DARS1: variants seen among roughly 807,000 people sequenced by gnomAD.
DARS1 encodes aspartyl-tRNA synthetase 1, also known as aspartate--tRNA ligase, cytoplasmic.
A neutral mutation model predicts 68.8 loss-of-function variants in DARS1; 51 were observed. The ratio of observed to expected loss-of-function variants is 0.74; its 90% CI spans 0.59 to 0.94. DARS1 has a LOEUF of 0.94. Among genes scored for constraint, DARS1 ranks in the 40% least tolerant of loss-of-function variants. The pLI, the probability that DARS1 is intolerant of heterozygous loss-of-function variation, is 0.00. For missense variants in DARS1, 607 were observed against 597.3 expected (o/e 1.02, Z -0.17); for synonymous variants, 203 against 190.4 (o/e 1.07, Z -0.55).
In DARS1 at chr2:135,985,356, C is replaced by G. The variant is rs746538815; in HGVS notation, c.66+47G>C. 15 of 1,598,914 alleles carry G rather than the reference C, an allele frequency of 9.4e-6. No homozygotes were observed. The African/African-American group carries it at 1.5e-4, about 16-fold the overall frequency. ...CCCTCCTCCCTCCCTCGGCGCAGCC[C>G]GGCCCAGGGGTCTGTCCTCCCAGGC... On this transcript the variant is annotated intron_variant, in intron 1 of 15. Transcript: ENST00000264161.
At chr2:135,940,885 A>G (rs554771044) in intron 5 of DARS1, among the ~76,000 whole-genome samples, 5 of 152,344 alleles carry the variant, frequency 3.3e-5, no homozygotes, top group Non-Finnish European at 2.9e-5. Context: ...CAGAGAGCCA[A>G]ATCATGAGTG....
In DARS1 at chr2:135,937,523, TTA is replaced by T. The variant is rs371988821; in HGVS notation, c.424-3535_424-3534del. Among the ~76,000 whole-genome samples, 511 of 152,284 alleles carry T rather than the reference TTA, an allele frequency of 3.4e-3. 3 individuals are homozygous for T. Among genetic ancestry groups the T allele is most frequent in the South Asian group, 0.028 (133 of 4,810 alleles). On this transcript the variant is annotated intron_variant, in intron 5 of 15. Coordinates refer to ENST00000264161, the MANE Select transcript of DARS1 (RefSeq NM_001349.4). ...AAAGTAATTATTATAAGACTAAGAA[TTA>T]GTTAATTAATCATTCTTTAAAAGTA...
intron 12 of DARS1, among the ~76,000 whole-genome samples, 179 bp from the exon 13 acceptor site, chr2:135,912,745 G>A (rs776981781): frequency 2.0e-5 from 3 of 151,632 alleles, no homozygotes; most frequent in Non-Finnish European, 4.4e-5. Flanking sequence ...TTGCCATGGT[G>A]TCATAAATTC....
chr2:135,963,807 G>A (rs1207741604), intron 3 of DARS1, among the ~76,000 whole-genome samples: 1 of 151,824 alleles, frequency 6.6e-6, no homozygotes, highest in Non-Finnish European at 1.5e-5. Context: ...AGCCTCCTGA[G>A]TAGCTGGGAC....
At chr2:135,955,879 G>C (rs974655463) in intron 4 of DARS1, among the ~76,000 whole-genome samples, 4 of 151,728 alleles carry the variant, frequency 2.6e-5, no homozygotes, top group Non-Finnish European at 5.9e-5. Flanking sequence ...GGCTGGTTTT[G>C]AACTTCTGGG....
chr2:135,961,991 C>T (rs1682113009), intron 3 of DARS1, among the ~76,000 whole-genome samples: 1 of 152,198 alleles, frequency 6.6e-6, no homozygotes, highest in African/African-American at 2.4e-5. Flanking sequence ...GAGTTTCTTC[C>T]TACCAAAGTA....
At chr2:135,941,649 A>AT (rs561662332) in intron 5 of DARS1, among the ~76,000 whole-genome samples, 3,374 of 150,628 alleles carry the variant, frequency 0.022, 89 homozygotes, top group African/African-American at 0.066. Context: ...AAAAGCCAAA[A>AT]TTGACAAATG....
chr2:135,932,938 A>G (rs1681384899), intron 6 of DARS1, 96 bp from the exon 7 acceptor site: 1 of 671,118 alleles, frequency 1.5e-6, no homozygotes, highest in Non-Finnish European at 2.5e-6. Flanking sequence ...CTTTTAATTG[A>G]GTAGGATGTG....
chr2:135,912,505 A>G lies in DARS1; in HGVS notation c.1211T>C (p.Met404Thr). The G allele has an allele frequency of 9.0e-7, 1 of 1,110,284 alleles. No individual in the cohort carries two copies. Among genetic ancestry groups the G allele is most frequent in the Non-Finnish European group, 1.4e-6 (1 of 737,172 alleles). The allele number at this position is 1,110,284 out of a possible 1,614,324, so 68.8% of individuals were successfully genotyped here. A position where few individuals can be genotyped will look rare whatever the true frequency, so the allele number is the denominator to read the frequency against. Residue 404 changes from methionine (M) to threonine (T), a missense_variant, in exon 13 of 16, where the codon ATG becomes ACG. By Grantham distance (81) the Met-to-Thr change is moderately conservative. Coordinates refer to ENST00000264161, the MANE Select transcript of DARS1 (RefSeq NM_001349.4). Reference protein sequence around the residue: ...YPLAVRPFYTMPDPRNPKQSN... With the variant: ...YPLAVRPFYTTPDPRNPKQSN... ...ACTTACGGGATTTCTTGGGTCAGGC[A>G]TGGTATAGAAAGGTCTTACAGCCAA... is the stretch of plus-strand genomic sequence containing the variant.
chr2:135,974,102 G>C (rs1451477366), intron 3 of DARS1, among the ~76,000 whole-genome samples: 1 of 152,082 alleles, frequency 6.6e-6, no homozygotes, highest in Non-Finnish European at 1.5e-5. Flanking sequence ...TTTTTAAAAG[G>C]CATAAATGTG....
At chr2:135,982,072 A>T (rs1682644569) in intron 2 of DARS1, among the ~76,000 whole-genome samples, 2 of 152,314 alleles carry the variant, frequency 1.3e-5, no homozygotes, top group Non-Finnish European at 2.9e-5. Context: ...AGCCCTCTAA[A>T]CTGGAAGCAG....
At chr2:135,928,975 AC>A (rs1681284844) in intron 7 of DARS1, among the ~76,000 whole-genome samples, 1 of 152,186 alleles carries the variant, frequency 6.6e-6, no homozygotes, top group African/African-American at 2.4e-5. Context: ...CTATTATATT[AC>A]ATATAATAAC....
chr2:135,935,410 C>T (rs895104285), intron 5 of DARS1, among the ~76,000 whole-genome samples: 4 of 150,264 alleles, frequency 2.7e-5, no homozygotes, highest in Non-Finnish European at 5.9e-5. Context: ...TCTTGGCTAA[C>T]AGAGTGAAAC....
At chr2:135,920,722 G>A (rs978059006) in intron 9 of DARS1, 122 bp from the exon 10 acceptor site, 2 of 1,265,472 alleles carry the variant, frequency 1.6e-6, no homozygotes, top group Non-Finnish European at 2.1e-6. Context: ...TTACAGGGCT[G>A]GAAGGACCTC....
chr2:135,955,673 C>CT (rs75123258), intron 4 of DARS1, among the ~76,000 whole-genome samples: 847 of 61,296 alleles, frequency 0.014, 115 homozygotes, highest in Non-Finnish European at 0.016. Flanking sequence ...AAATAAAAAT[C>CT]TTTTTTTTTT....
At chr2:135,918,236 T>C (rs984761849) in intron 10 of DARS1, among the ~76,000 whole-genome samples, 2 of 152,178 alleles carry the variant, frequency 1.3e-5, no homozygotes, top group Admixed American at 6.5e-5. Flanking sequence ...GATTTTTAAA[T>C]AGCTTTTCTT....
chr2:135,915,874 C>T (rs1305723236), intron 11 of DARS1, among the ~76,000 whole-genome samples: 1 of 151,782 alleles, frequency 6.6e-6, no homozygotes, highest in Non-Finnish European at 1.5e-5. Context: ...GAGTTACAAA[C>T]ATGAGGGGAA....
chr2:135,933,841 T>C, intron 6 of DARS1, 69 bp downstream of exon 6: 8 of 1,534,694 alleles, frequency 5.2e-6, no homozygotes, highest in Non-Finnish European at 7.1e-6. Flanking sequence ...CCTTAGTACA[T>C]CAGGTTTTCA....
rs536168371 is a variant in DARS1, at chr2:135,928,012, G to A, written c.565-3514C>T. ...GAGAAGAGAGGCAGGTACATGGAGAGAAGTAAGGGTGTTGAGAGAAAGAAT... is the reference window on the plus strand; with the variant it reads ...GAGAAGAGAGGCAGGTACATGGAGAAAAGTAAGGGTGTTGAGAGAAAGAAT... On this transcript the variant is annotated intron_variant, in intron 7 of 15. Coordinates refer to ENST00000264161, the MANE Select transcript of DARS1 (RefSeq NM_001349.4). Among the ~76,000 whole-genome samples the A allele has an allele frequency of 7.2e-5, 11 of 152,256 alleles. No individual in the cohort carries two copies. In the South Asian group the frequency reaches 2.3e-3, roughly 32 times the overall value.
Sources: allele counts gnomAD v4.1 joint callset (sites outside exome capture counted in the v4.1 genomes callset), GRCh38; gene constraint gnomAD v4.1.1; transcripts MANE v1.5; gene names NCBI Gene and HGNC (gene_info 2026-07-23, HGNC 2026-07-21).